The following SYTL1 variants were observed in gnomAD, a reference collection of about 807,000 sequenced individuals.
SYTL1 encodes synaptotagmin like 1, also known as synaptotagmin-like protein 1.
A neutral mutation model predicts 74.6 loss-of-function variants in SYTL1; 53 were observed. That is an observed-to-expected ratio of 0.71 (90% CI 0.57 to 0.89). The LOEUF is 0.89. Among genes scored for constraint, SYTL1 ranks in the 40% least tolerant of loss-of-function variants. SYTL1 has a pLI of 0.00. For synonymous variants in SYTL1, 329 were observed against 324.9 expected, an observed-to-expected ratio of 1.01 and a Z score of -0.14; for missense variants, 728 against 768.7, an observed-to-expected ratio of 0.95 and a Z score of 0.63.
chr1:27,349,797 G>A (rs777188890), intron 8 of SYTL1, 32 bp downstream of exon 8: 2 of 1,564,116 alleles, frequency 1.3e-6, no homozygotes, highest in South Asian at 2.3e-5. Context: ...CCGGGCGGCC[G>A]GGGGGTGGAC....
Position 27,349,497 on chromosome 1 carries a change from A to T in SYTL1, c.632A>T (p.Gln211Leu), listed in dbSNP as rs1300456805. The change falls in exon 7 of 15, where the codon CAG becomes CTG. Residue 211 changes from glutamine to leucine, a missense_variant and splice_region_variant. Coordinates refer to ENST00000616558, the MANE Select transcript of SYTL1 (RefSeq NM_001193308.2). ...CAGGAGCCGCGGCCCCAGCAAGCCC[A>T]GGTAGGCGGGAGTGGCCCGTGGCTG... ...GEQEPRPQQAQTKAASQILEN... is the reference protein window; with the variant it reads ...GEQEPRPQQALTKAASQILEN... The T allele has an allele frequency of 7.0e-7, 1 of 1,435,458 alleles. No individual in the cohort carries two copies. The highest frequency in any genetic ancestry group is 2.6e-5 in the East Asian group (1 of 38,150). 88.9% of individuals were successfully genotyped at this position (1,435,458 alleles called of 1,614,324 possible).
In SYTL1 at chr1:27,349,158, T is replaced by G. The variant is rs2015127114; in HGVS notation, c.532+6T>G. 6.2e-7 allele frequency: 1 copy of G among 1,612,536 alleles called. No individual in the cohort carries two copies. Among genetic ancestry groups the G allele is most frequent in the African/African-American group, 1.3e-5 (1 of 74,740 alleles). ...GGCGTCCCAGGCCCAGGAAGGTGAG[T>G]GGGAGCGCCTGTTGGGGAGCACGGA... On this transcript the variant is annotated splice_donor_region_variant and intron_variant, in intron 6 of 14. Transcript: ENST00000616558.
Position 27,345,075 on chromosome 1 carries a change from G to T in SYTL1, c.-38-222G>T. 1 of 331,512 alleles carries T rather than the reference G, an allele frequency of 3.0e-6. No homozygotes were observed. Among genetic ancestry groups the T allele is most frequent in the East Asian group, 5.2e-5 (1 of 19,398 alleles). The allele number at this position is 331,512 out of a possible 1,614,324, so 20.5% of individuals were successfully genotyped here. On this transcript the variant is annotated intron_variant, in intron 1 of 14. Coordinates refer to ENST00000616558, the MANE Select transcript of SYTL1 (RefSeq NM_001193308.2). The surrounding 1 kb of genome is among the most constrained non-coding windows in gnomAD (Gnocchi z 6.0). The stretch of plus-strand genomic sequence containing the variant: ...CCTGTGTGGCCCTACCTCAGGGTGT[G>T]TGCATGTGTGTCTCTTGCTTCTTCC...
chr1:27,349,540 G>A, intron 7 of SYTL1, 42 bp downstream of exon 7: 1 of 1,464,522 alleles, frequency 6.8e-7, no homozygotes, highest in Non-Finnish European at 9.0e-7. Context: ...CATCCGGAGC[G>A]GACTCCGGGC....
chr1:27,345,560 A>C lies in SYTL1; in HGVS notation c.191+35A>C. 1 of 1,450,784 alleles carries C rather than the reference A, an allele frequency of 6.9e-7. No homozygotes were observed. The highest frequency in any genetic ancestry group is 9.4e-7 in the Non-Finnish European group (1 of 1,068,548). The allele number at this position is 1,450,784 out of a possible 1,614,324, so 89.9% of individuals were successfully genotyped here. On this transcript the variant is annotated intron_variant, in intron 2 of 14. Coordinates refer to ENST00000616558, the MANE Select transcript of SYTL1 (RefSeq NM_001193308.2). The surrounding 1 kb of genome is among the most constrained non-coding windows in gnomAD (Gnocchi z 6.0). ...GGCAGACCCTGGCCGGGGAGCACCA[A>C]GAGGCTTGAGTGGCCCCCATCCTGC...
In SYTL1 at chr1:27,345,280, C is replaced by T; in HGVS notation, c.-38-17C>T. ...GCATTTGTGCAGGGCTTGACCTGAC[C>T]CTCGGTCTGCCCCCAGGAAGCTCCG... On this transcript the variant is annotated splice_polypyrimidine_tract_variant and intron_variant, in intron 1 of 14. Coordinates refer to ENST00000616558, the MANE Select transcript of SYTL1 (RefSeq NM_001193308.2). The surrounding 1 kb of genome is among the most constrained non-coding windows in gnomAD (Gnocchi z 6.0). 7.4e-7 allele frequency: 1 copy of T among 1,356,366 alleles called. No homozygotes were observed. The highest frequency in any genetic ancestry group is 9.8e-7 in the Non-Finnish European group (1 of 1,021,426). 84.0% of individuals were successfully genotyped at this position (1,356,366 alleles called of 1,614,324 possible).
Position 27,343,345 on chromosome 1 carries a change from G to C in SYTL1, c.-39+1195G>C, listed in dbSNP as rs917358846. ...ACCCCAGCCTGGTCTGGGGAGAACTGTGTGGCCAGAACAGAGGGGCCCTGT... is the reference window on the plus strand; with the variant it reads ...ACCCCAGCCTGGTCTGGGGAGAACTCTGTGGCCAGAACAGAGGGGCCCTGT... On this transcript the variant is annotated intron_variant, in intron 1 of 14. Coordinates refer to ENST00000616558, the MANE Select transcript of SYTL1 (RefSeq NM_001193308.2). This position sits in a 1 kb window ranked among gnomAD's most constrained non-coding sequence, Gnocchi z 5.2. The C allele has an allele frequency of 6.6e-6, 1 of 152,398 alleles. No homozygotes were observed. Among genetic ancestry groups the C allele is most frequent in the South Asian group, 2.1e-4 (1 of 4,852 alleles). The allele number at this position is 152,398 out of a possible 1,614,324, so 9.4% of individuals were successfully genotyped here. A position where few individuals can be genotyped will look rare whatever the true frequency, so the allele number is the denominator to read the frequency against.
Position 27,342,123 on chromosome 1 carries a change from G to A in SYTL1, c.-66G>A, listed in dbSNP as rs2014797002. 6.5e-6 allele frequency: 1 copy of A among 152,976 alleles called. No homozygotes were observed. Among genetic ancestry groups the A allele is most frequent in the Non-Finnish European group, 1.5e-5 (1 of 68,734 alleles). The allele number at this position is 152,976 out of a possible 1,614,324, so 9.5% of individuals were successfully genotyped here. A position where few individuals can be genotyped will look rare whatever the true frequency, so the allele number is the denominator to read the frequency against. Reference sequence around the variant, plus strand: ...CAGGGGAGCTGGAGCCACCTGCGAAGGTGTCCTCCCATACTGGACCCCTAC... The same window carrying A: ...CAGGGGAGCTGGAGCCACCTGCGAAAGTGTCCTCCCATACTGGACCCCTAC... On this transcript the variant is annotated 5_prime_UTR_variant, in exon 1 of 15. Coordinates refer to ENST00000616558, the MANE Select transcript of SYTL1 (RefSeq NM_001193308.2). This position sits in a 1 kb window ranked among gnomAD's most constrained non-coding sequence, Gnocchi z 4.7.
In SYTL1 at chr1:27,351,186, G is replaced by A; in HGVS notation, c.1165-72G>A. 6.6e-7 allele frequency: 1 copy of A among 1,514,204 alleles called. No homozygotes were observed. Among genetic ancestry groups the A allele is most frequent in the Admixed American group, 2.0e-5 (1 of 50,070 alleles). The allele number at this position is 1,514,204 out of a possible 1,614,324, so 93.8% of individuals were successfully genotyped here. A position where few individuals can be genotyped will look rare whatever the true frequency, so the allele number is the denominator to read the frequency against. On this transcript the variant is annotated intron_variant, in intron 11 of 14. Transcript: ENST00000616558. The surrounding 1 kb of genome is among the most constrained non-coding windows in gnomAD (Gnocchi z 5.0). ...GTCTCTTCTAGCCGCACCCCATCCG[G>A]GTCTGCAGACCCCACCCTCCTGAGG...
rs936200774 is a variant in SYTL1 at position 27,351,161 on chromosome 1, G to C, written c.1165-97G>C. On this transcript the variant is annotated intron_variant, in intron 11 of 14. Transcript: ENST00000616558. This position sits in a 1 kb window ranked among gnomAD's most constrained non-coding sequence, Gnocchi z 5.0. ...AGGTTCTGCCCCTGCAGGCCCCGCC[G>C]TCTCTTCTAGCCGCACCCCATCCGG... is the stretch of plus-strand genomic sequence containing the variant. 1.4e-6 allele frequency: 2 copies of C among 1,438,780 alleles called. No individual in the cohort carries two copies. The highest frequency in any genetic ancestry group is 4.3e-5 in the Admixed American group (2 of 46,602). The allele number at this position is 1,438,780 out of a possible 1,614,324, so 89.1% of individuals were successfully genotyped here.
rs1168866755 is a variant in SYTL1 at position 27,342,875 on chromosome 1, A to C, written c.-39+725A>C. 6.6e-6 allele frequency among the ~76,000 whole-genome samples: 1 copy of C among 151,588 alleles called. No individual in the cohort carries two copies. Among genetic ancestry groups the C allele is most frequent in the Non-Finnish European group, 1.5e-5 (1 of 67,830 alleles). On this transcript the variant is annotated intron_variant, in intron 1 of 14. Transcript: ENST00000616558. The surrounding 1 kb of genome is among the most constrained non-coding windows in gnomAD (Gnocchi z 4.7). ...CGAACGTGGGCTCACACCCCAATCC[A>C]CAGGGGAGGCCGAACGTGGGCTCAC...
Position 27,345,060 on chromosome 1 carries a change from C to A in SYTL1, c.-38-237C>A. On this transcript the variant is annotated intron_variant, in intron 1 of 14. Transcript: ENST00000616558. This position sits in a 1 kb window ranked among gnomAD's most constrained non-coding sequence, Gnocchi z 6.0. ...TTCCATCGCTGCAGTCCTGTGTGGC[C>A]CTACCTCAGGGTGTGTGCATGTGTG... is the stretch of plus-strand genomic sequence containing the variant. 3.5e-6 allele frequency: 1 copy of A among 282,024 alleles called. No homozygotes were observed. Among genetic ancestry groups the A allele is most frequent in the Non-Finnish European group, 6.6e-6 (1 of 150,846 alleles). 17.5% of individuals were successfully genotyped at this position (282,024 alleles called of 1,614,324 possible). A position where few individuals can be genotyped will look rare whatever the true frequency, so the allele number is the denominator to read the frequency against.
Position 27,347,946 on chromosome 1 carries a change from G to T in SYTL1, c.414-21G>T. The T allele has an allele frequency of 6.2e-7, 1 of 1,614,156 alleles. No individual in the cohort carries two copies. The highest frequency in any genetic ancestry group is 8.5e-7 in the Non-Finnish European group (1 of 1,179,984). On this transcript the variant is annotated intron_variant, in intron 4 of 14. Coordinates refer to ENST00000616558, the MANE Select transcript of SYTL1 (RefSeq NM_001193308.2). The surrounding 1 kb of genome is among the most constrained non-coding windows in gnomAD (Gnocchi z 4.9). ...GTCACCAGGGTCCCTCCCTCTGAGA[G>T]CGTCCTCTCCCTACTCCTAGGCTCA...
rs138566650 is a variant in SYTL1, at chr1:27,347,512, G to A, written c.283G>A (p.Ala95Thr). 5.0e-5 allele frequency: 81 copies of A among 1,614,110 alleles called. No individual in the cohort carries two copies. In the African/African-American group the frequency reaches 1.0e-3, roughly 21 times the overall value. ...AGCACGCTCCCAGCGGCACCACAAT[G>A]CCCACTTCGGCTCTGACCTTGTCCG... The part of the protein sequence containing the change: ...QEARSQRHHN[A>T]HFGSDLVRAS... The change falls in exon 3 of 15, where the codon GCC becomes ACC. Residue 95 changes from alanine to threonine, a missense_variant. Coordinates refer to ENST00000616558, the MANE Select transcript of SYTL1 (RefSeq NM_001193308.2). This position sits in a 1 kb window ranked among gnomAD's most constrained non-coding sequence, Gnocchi z 4.9.
Position 27,351,180 on chromosome 1 carries a change from C to A in SYTL1, c.1165-78C>A. The A allele has an allele frequency of 3.3e-6, 5 of 1,494,424 alleles. No homozygotes were observed. The highest frequency in any genetic ancestry group is 4.5e-6 in the Non-Finnish European group (5 of 1,102,626). The allele number at this position is 1,494,424 out of a possible 1,614,324, so 92.6% of individuals were successfully genotyped here. A position where few individuals can be genotyped will look rare whatever the true frequency, so the allele number is the denominator to read the frequency against. On this transcript the variant is annotated intron_variant, in intron 11 of 14. Coordinates refer to ENST00000616558, the MANE Select transcript of SYTL1 (RefSeq NM_001193308.2). The surrounding 1 kb of genome is among the most constrained non-coding windows in gnomAD (Gnocchi z 5.0). ...CCCGCCGTCTCTTCTAGCCGCACCCCATCCGGGTCTGCAGACCCCACCCTC... is the reference window on the plus strand; with the variant it reads ...CCCGCCGTCTCTTCTAGCCGCACCCAATCCGGGTCTGCAGACCCCACCCTC...
At position 27,350,515 on chromosome 1, in the gene SYTL1, G is replaced by A; in HGVS notation, c.1005+30G>A. ...GGCTGTGACCACGATGCGGTTCCCC[G>A]TTAATGAACTGGACGCCCCCTTCCT... is the stretch of plus-strand genomic sequence containing the variant. On this transcript the variant is annotated intron_variant, in intron 10 of 14. Coordinates refer to ENST00000616558, the MANE Select transcript of SYTL1 (RefSeq NM_001193308.2). The surrounding 1 kb of genome is among the most constrained non-coding windows in gnomAD (Gnocchi z 6.3). 6.4e-7 allele frequency: 1 copy of A among 1,567,010 alleles called. No homozygotes were observed. Among genetic ancestry groups the A allele is most frequent in the Non-Finnish European group, 8.8e-7 (1 of 1,141,626 alleles).
rs755869557 is a variant in SYTL1 at position 27,350,526 on chromosome 1, G to A, written c.1005+41G>A. The A allele has an allele frequency of 2.0e-6, 3 of 1,530,942 alleles. No individual in the cohort carries two copies. The highest frequency in any genetic ancestry group is 2.7e-5 in the African/African-American group (2 of 73,454). 94.8% of individuals were successfully genotyped at this position (1,530,942 alleles called of 1,614,324 possible). On this transcript the variant is annotated intron_variant, in intron 10 of 14. Transcript: ENST00000616558. The surrounding 1 kb of genome is among the most constrained non-coding windows in gnomAD (Gnocchi z 6.3). ...CGATGCGGTTCCCCGTTAATGAACT[G>A]GACGCCCCCTTCCTGCGGGGCTAGG...
Position 27,351,251 on chromosome 1 carries a change from C to G in SYTL1, c.1165-7C>G. 1 of 1,555,254 alleles carries G rather than the reference C, an allele frequency of 6.4e-7. No individual in the cohort carries two copies. Among genetic ancestry groups the G allele is most frequent in the South Asian group, 1.2e-5 (1 of 84,334 alleles). On this transcript the variant is annotated splice_polypyrimidine_tract_variant and splice_region_variant and intron_variant, in intron 11 of 14. Transcript: ENST00000616558. The surrounding 1 kb of genome is among the most constrained non-coding windows in gnomAD (Gnocchi z 5.0). ...CCCCTGCTCCACGATAAGCCCGCCT[C>G]TCGCAGGTCCCACCCTCTCCCGACG...
Position 27,349,120 on chromosome 1 carries a change from C to T in SYTL1, c.500C>T (p.Ser167Leu). 6.2e-7 allele frequency: 1 copy of T among 1,614,082 alleles called. No individual in the cohort carries two copies. Among genetic ancestry groups the T allele is most frequent in the Non-Finnish European group, 8.5e-7 (1 of 1,179,950 alleles). The change falls in exon 6 of 15, where the codon TCA (serine) becomes TTA (leucine). Residue 167 changes from serine (S) to leucine (L), a missense_variant. Coordinates refer to ENST00000616558, the MANE Select transcript of SYTL1 (RefSeq NM_001193308.2). ...TCGCCTTCTGTCCCCCTAAAGGCTT[C>T]AGATCCTGAGGAGGCGTCCCAGGCC... ...FPSPSVPLKA[S>L]DPEEASQAQE... is the part of the protein sequence containing the mutation.
Sources: allele counts gnomAD v4.1 joint callset (sites outside exome capture counted in the v4.1 genomes callset), GRCh38; gene constraint gnomAD v4.1.1; non-coding constraint Gnocchi (gnomAD v3.1); transcripts MANE v1.5; gene names NCBI Gene and HGNC (gene_info 2026-07-23, HGNC 2026-07-21).